SDK1: variants seen among roughly 807,000 people sequenced by gnomAD.
SDK1 encodes sidekick cell adhesion molecule 1.
In SDK1, 157 loss-of-function variants were observed where a neutral mutation model predicts 245.5. That is an observed-to-expected ratio of 0.64 (90% CI 0.56 to 0.73). SDK1 has a LOEUF of 0.73. Among genes scored for constraint, SDK1 ranks in the 30% least tolerant of loss-of-function variants. SDK1 has a pLI of 0.00. For missense variants in SDK1, 3,583 were observed against 3,002.3 expected (o/e 1.19, Z -4.52); for synonymous variants, 1,647 against 1,278.5 (o/e 1.29, Z -6.15).
chr7:4,187,498 C>A (rs569809147), intron 35 of SDK1, among the ~76,000 whole-genome samples: 1 of 152,334 alleles, frequency 6.6e-6, no homozygotes, highest in Admixed American at 6.5e-5. Flanking sequence ...GGTTGCATTC[C>A]TCTTTCCTCC....
At chr7:3,700,755 A>G (rs1049524082) in intron 4 of SDK1, among the ~76,000 whole-genome samples, 1 of 152,216 alleles carries the variant, frequency 6.6e-6, no homozygotes, top group East Asian at 1.9e-4. Flanking sequence ...TGTAGAGACA[A>G]TAGAGAAAAG....
chr7:3,397,756 G>A (rs1778759713), intron 1 of SDK1, among the ~76,000 whole-genome samples: 2 of 151,922 alleles, frequency 1.3e-5, no homozygotes, highest in African/African-American at 4.8e-5. Flanking sequence ...TAGTGTTTTT[G>A]CGGTTTTTAA....
chr7:4,236,502 CT>C (rs1401991716), intron 41 of SDK1, among the ~76,000 whole-genome samples: 1 of 152,050 alleles, frequency 6.6e-6, no homozygotes, highest in Non-Finnish European at 1.5e-5. Flanking sequence ...CAGCCCCAGG[CT>C]TTAGGGGTCT....
intron 1 of SDK1, among the ~76,000 whole-genome samples, chr7:3,606,112 C>G (rs952377713): frequency 2.6e-5 from 4 of 152,132 alleles, no homozygotes; most frequent in Admixed American, 6.5e-5. Context: ...ACACTGAGCT[C>G]TTGTTCTTTT....
chr7:3,536,526 C>CA (rs1393230681), intron 1 of SDK1, among the ~76,000 whole-genome samples: 1 of 151,476 alleles, frequency 6.6e-6, no homozygotes, highest in South Asian at 2.1e-4. Context: ...TAAAACAAAA[C>CA]AAAAAAACCC....
intron 38 of SDK1, among the ~76,000 whole-genome samples, chr7:4,215,371 C>T (rs1200261183): frequency 6.6e-6 from 1 of 152,244 alleles, no homozygotes; most frequent in Non-Finnish European, 1.5e-5. Flanking sequence ...CGACTCTGCG[C>T]TGGGCCACGG....
At chr7:3,563,784 A>T (rs1016443079) in intron 1 of SDK1, among the ~76,000 whole-genome samples, 7 of 152,176 alleles carry the variant, frequency 4.6e-5, no homozygotes, top group Non-Finnish European at 1.5e-5. Flanking sequence ...ATAAAAATAA[A>T]CCGTGTATTA....
intron 1 of SDK1, among the ~76,000 whole-genome samples, chr7:3,506,657 C>G (rs995609967): frequency 2.0e-5 from 3 of 152,114 alleles, no homozygotes; most frequent in South Asian, 2.1e-4. Flanking sequence ...CCCCTGCTCC[C>G]CAACCTTCAG....
rs201137625 is a variant in SDK1, at chr7:4,060,729, G to T, written c.2912-7109G>T. On this transcript the variant is annotated intron_variant, in intron 19 of 44. Coordinates refer to ENST00000404826, the MANE Select transcript of SDK1 (RefSeq NM_152744.4). ...GAAGTCCTTGCCCATGCCTATGTCC[G>T]GAATGGTAATGCCTAGGTTTTCTTC... Among the ~76,000 whole-genome samples, 283 of 151,872 alleles carry T rather than the reference G, an allele frequency of 1.9e-3. 3 individuals carry two copies. The East Asian group carries it at 0.024, about 13-fold the overall frequency.
At chr7:4,228,766 G>A (rs750915513) in intron 40 of SDK1, among the ~76,000 whole-genome samples, 4 of 152,086 alleles carry the variant, frequency 2.6e-5, no homozygotes, top group Non-Finnish European at 5.9e-5. Context: ...TCTTGAACTC[G>A]TGACCTCGTG....
At position 4,205,902 on chromosome 7, in the gene SDK1, G is replaced by A. The variant is rs760937403; in HGVS notation, c.5122G>A (p.Val1708Met). ...AGCCCCGGCCATGGCCCCGCAGAAC[G>A]TGCAGGTGACCCCACTCACGGCCAG... ...EAAPAMAPQN[V>M]QVTPLTASQL... Residue 1708 changes from valine to methionine, a missense_variant, in exon 36 of 45, where the codon GTG (valine) becomes ATG (methionine). By Grantham distance (21) the Val-to-Met change is conservative. Transcript: ENST00000404826. 17 of 1,556,494 alleles carry A rather than the reference G, an allele frequency of 1.1e-5. No homozygotes were observed. The highest frequency in any genetic ancestry group is 2.7e-5 in the African/African-American group (2 of 73,292).
intron 26 of SDK1, among the ~76,000 whole-genome samples, chr7:4,128,724 G>A (rs1385735984): frequency 6.8e-6 from 1 of 146,920 alleles, no homozygotes; most frequent in African/African-American, 2.5e-5. Context: ...CTTGGGGTAG[G>A]GTGCCCTGGA....
chr7:3,491,148 C>T (rs1029312512), intron 1 of SDK1, among the ~76,000 whole-genome samples: 1 of 152,160 alleles, frequency 6.6e-6, no homozygotes, highest in Non-Finnish European at 1.5e-5. Flanking sequence ...AGCATATGCT[C>T]ATGGAATTTG....
At chr7:3,958,479 GAGA>G (rs2128128259) in intron 7 of SDK1, among the ~76,000 whole-genome samples, 3 of 152,200 alleles carry the variant, frequency 2.0e-5, no homozygotes, top group African/African-American at 4.8e-5. Context: ...CTCTATTTTG[GAGA>G]AGAACTGCTA....
intron 1 of SDK1, among the ~76,000 whole-genome samples, chr7:3,378,383 C>T (rs1385210353): frequency 6.6e-6 from 1 of 152,174 alleles, no homozygotes; most frequent in Non-Finnish European, 1.5e-5. Context: ...GGGAGGTAGA[C>T]ATTTGTGCTC....
chr7:3,372,746 C>T (rs556734098), intron 1 of SDK1, among the ~76,000 whole-genome samples: 3 of 152,262 alleles, frequency 2.0e-5, no homozygotes, highest in African/African-American at 4.8e-5. Context: ...AAGTTAATGC[C>T]AGCCCAGGAA....
intron 1 of SDK1, among the ~76,000 whole-genome samples, chr7:3,554,844 T>C (rs1779535526): frequency 6.6e-6 from 1 of 152,040 alleles, no homozygotes; most frequent in Non-Finnish European, 1.5e-5. Context: ...TTACAATAGC[T>C]ACAAAAAAAT....
intron 12 of SDK1, among the ~76,000 whole-genome samples, chr7:3,973,100 C>T (rs749745780): frequency 6.6e-6 from 1 of 152,142 alleles, no homozygotes; most frequent in Non-Finnish European, 1.5e-5. Context: ...AGGCCCCTTC[C>T]TCAGATGGAA....
chr7:3,438,849 ATTTTT>A (rs527596036), intron 1 of SDK1, among the ~76,000 whole-genome samples: 116 of 131,154 alleles, frequency 8.8e-4, no homozygotes, highest in Middle Eastern at 3.9e-3. Context: ...TTGTATTAAT[ATTTTT>A]TTTTTTTTTT....
Sources: allele counts gnomAD v4.1 joint callset (sites outside exome capture counted in the v4.1 genomes callset), GRCh38; gene constraint gnomAD v4.1.1; transcripts MANE v1.5; gene names NCBI Gene and HGNC (gene_info 2026-07-23, HGNC 2026-07-21).